CCDC14: variants seen among roughly 807,000 people sequenced by gnomAD.
CCDC14 encodes coiled-coil domain containing 14, also known as coiled-coil domain-containing protein 14.
In CCDC14, 71 loss-of-function variants were observed where a neutral mutation model predicts 81.4. That is an observed-to-expected ratio of 0.87 (90% CI 0.72 to 1.06). The LOEUF is 1.06. Among genes scored for constraint, CCDC14 ranks in the 50% least tolerant of loss-of-function variants. CCDC14 has a pLI of 0.00. For missense variants in CCDC14, 1,046 were observed against 1,047.3 expected, an observed-to-expected ratio of 1.00 and a Z score of 0.02; for synonymous variants, 332 against 364.8, an observed-to-expected ratio of 0.91 and a Z score of 1.03.
intron 1 of CCDC14, among the ~76,000 whole-genome samples, chr3:123,960,855 G>A (rs2037639984): frequency 6.6e-6 from 1 of 152,198 alleles, no homozygotes; most frequent in South Asian, 2.1e-4. Context: ...GAAGCTAGGA[G>A]AGGTTAAGTC....
At chr3:123,956,517 G>T in intron 2 of CCDC14, 90 bp from the exon 3 acceptor site, 1 of 959,504 alleles carries the variant, frequency 1.0e-6, no homozygotes, top group Non-Finnish European at 1.6e-6. Context: ...AGACAAGAAA[G>T]CTTGTCCAAC....
intron 9 of CCDC14, among the ~76,000 whole-genome samples, chr3:123,940,431 T>C (rs1243550410): frequency 6.6e-6 from 1 of 152,042 alleles, no homozygotes; most frequent in Non-Finnish European, 1.5e-5. Flanking sequence ...GTTTTAAGTT[T>C]TTCTGAAGTT....
At position 123,915,550 on chromosome 3, in the gene CCDC14, T is replaced by TA. The variant is rs1288109307; in HGVS notation, c.1946dup (p.Leu649PhefsTer17). ...AATGTGTAAAACTGTAATTTGTTTC[T>TA]AACTTATTTAGATAGCTCATTATGG... On this transcript the variant is annotated frameshift_variant, in exon 13 of 13. Coordinates refer to ENST00000409697, the MANE Select transcript of CCDC14 (RefSeq NM_001366335.1). LOFTEE classifies it low-confidence loss of function (END_TRUNC). 14 of 1,613,936 alleles carry TA rather than the reference T, an allele frequency of 8.7e-6. No individual in the cohort carries two copies. The highest frequency in any genetic ancestry group is 1.2e-5 in the Non-Finnish European group (14 of 1,179,912).
intron 12 of CCDC14, among the ~76,000 whole-genome samples, chr3:123,928,525 A>G (rs989569292): frequency 6.6e-6 from 1 of 152,014 alleles, no homozygotes; most frequent in African/African-American, 2.4e-5. Context: ...AAATAAATAA[A>G]TAAAAAAGAT....
downstream of CCDC14, among the ~76,000 whole-genome samples, chr3:123,909,725 A>T (rs1464474716): frequency 6.6e-6 from 1 of 152,216 alleles, no homozygotes; most frequent in Non-Finnish European, 1.5e-5. Context: ...TTTAATCCTC[A>T]GAACAAATCC....
chr3:123,889,145 C>T, the CCDC14 span, among the ~76,000 whole-genome samples: 4 of 152,164 alleles, frequency 2.6e-5, no homozygotes, highest in Non-Finnish European at 4.4e-5. Flanking sequence ...TGCAGTGGCT[C>T]ACACCTGAAA....
intron 9 of CCDC14, among the ~76,000 whole-genome samples, chr3:123,939,021 TTTTG>T (rs2036205773): frequency 6.6e-6 from 1 of 151,966 alleles, no homozygotes; most frequent in Non-Finnish European, 1.5e-5. Context: ...CTGTCTACTC[TTTTG>T]TTTGAATTCA....
At chr3:123,932,743 C>T (rs554825338) in intron 10 of CCDC14, among the ~76,000 whole-genome samples, 1 of 152,252 alleles carries the variant, frequency 6.6e-6, no homozygotes, top group African/African-American at 2.4e-5. Context: ...TTGGCAATAT[C>T]TGTCACAATT....
At chr3:123,889,081 G>A in the CCDC14 span, among the ~76,000 whole-genome samples, 1 of 152,172 alleles carries the variant, frequency 6.6e-6, no homozygotes. Flanking sequence ...ATGCAAGGGG[G>A]ATATAGGCAT....
chr3:123,914,914 C>T lies in CCDC14; in HGVS notation c.2583G>A (p.Met861Ile), dbSNP rs1400533662. 1.9e-6 allele frequency: 3 copies of T among 1,614,034 alleles called. No homozygotes were observed. The highest frequency in any genetic ancestry group is 4.5e-5 in the East Asian group (2 of 44,880). The change falls in exon 13 of 13, where the codon ATG becomes ATA. Residue 861 changes from methionine to isoleucine, a missense_variant. Physicochemically the swap from Met to Ile is conservative, Grantham distance 10. Transcript: ENST00000409697. ...AAAACGAAGAGATGCTCCAGTCAGA[C>T]ATCAAGTCAGAAGTGAAAACACTAC... Reference protein sequence around the residue: ...CDGSVFTSDLMSDWSISSFST... With the variant: ...CDGSVFTSDLISDWSISSFST...
chr3:123,956,027 A>C lies in CCDC14; in HGVS notation c.229+19T>G, dbSNP rs1246905947. On this transcript the variant is annotated intron_variant, in intron 4 of 12. Coordinates refer to ENST00000409697, the MANE Select transcript of CCDC14 (RefSeq NM_001366335.1). ...TGACTTGAGATAAGGTGATCAGCAA[A>C]GAATTAAAAAAAAAAAACCTGAATC... is the stretch of plus-strand genomic sequence containing the variant. The C allele has an allele frequency of 1.3e-6, 2 of 1,536,432 alleles. No individual in the cohort carries two copies. Among genetic ancestry groups the C allele is most frequent in the Admixed American group, 4.2e-5 (2 of 47,854 alleles).
chr3:123,937,294 T>A (rs1048784182), intron 9 of CCDC14, among the ~76,000 whole-genome samples: 4 of 152,062 alleles, frequency 2.6e-5, no homozygotes, highest in African/African-American at 7.2e-5. Context: ...TTATTTTACA[T>A]TCCCATCAGT....
chr3:123,924,443 C>T (rs1248019835), intron 12 of CCDC14, among the ~76,000 whole-genome samples: 4 of 151,970 alleles, frequency 2.6e-5, no homozygotes, highest in South Asian at 2.1e-4. Context: ...CAAATGAAAT[C>T]GTATCAAACT....
At chr3:123,942,801 G>A (rs568063020) in intron 9 of CCDC14, among the ~76,000 whole-genome samples, 6 of 152,124 alleles carry the variant, frequency 3.9e-5, no homozygotes, top group Admixed American at 2.0e-4. Flanking sequence ...AACATTCAAA[G>A]TTAAGATATT....
chr3:123,904,038 C>G (rs892421286), intron 5 of CCDC14, among the ~76,000 whole-genome samples: 1 of 152,140 alleles, frequency 6.6e-6, no homozygotes, highest in Non-Finnish European at 1.5e-5. Context: ...AAATCTCTTT[C>G]TACTTAAAAT....
At chr3:123,905,306 C>T (rs1253360455) in intron 5 of CCDC14, among the ~76,000 whole-genome samples, 1 of 152,146 alleles carries the variant, frequency 6.6e-6, no homozygotes, top group Non-Finnish European at 1.5e-5. Context: ...GGCTGGGGGA[C>T]ATCATTCTCC....
intron 11 of CCDC14, 22 bp downstream of exon 11, chr3:123,931,286 T>C: frequency 6.3e-7 from 1 of 1,574,814 alleles, no homozygotes; most frequent in Non-Finnish European, 8.6e-7. Context: ...GATGTGACCA[T>C]AACTACTGTC....
downstream of CCDC14, among the ~76,000 whole-genome samples, chr3:123,912,218 A>G (rs534918654): frequency 1.3e-5 from 2 of 152,164 alleles, no homozygotes; most frequent in Non-Finnish European, 2.9e-5. Flanking sequence ...GAGGTTAGGG[A>G]TACTCTGGAC....
chr3:123,959,868 T>C (rs2037570235), intron 1 of CCDC14, among the ~76,000 whole-genome samples: 1 of 152,190 alleles, frequency 6.6e-6, no homozygotes, highest in African/African-American at 2.4e-5. Context: ...TTTTTCATAT[T>C]CATAAATTTT....
Sources: allele counts gnomAD v4.1 joint callset (sites outside exome capture counted in the v4.1 genomes callset), GRCh38; gene constraint gnomAD v4.1.1; transcripts MANE v1.5; gene names NCBI Gene and HGNC (gene_info 2026-07-23, HGNC 2026-07-21).